AGBL4: variants seen among roughly 807,000 people sequenced by gnomAD.
The protein encoded by AGBL4 is cytosolic carboxypeptidase 6.
In AGBL4, 58 loss-of-function variants were observed where a neutral mutation model predicts 66.4. The observed-to-expected ratio is 0.87, with a 90% confidence interval of 0.71 to 1.09. The LOEUF (loss-of-function observed/expected upper bound fraction) is 1.09. Among genes scored for constraint, AGBL4 ranks in the 50% least tolerant of loss-of-function variants. The pLI, the probability that AGBL4 is intolerant of heterozygous loss-of-function variation, is 0.00. For missense variants in AGBL4, 579 were observed against 631.0 expected (o/e 0.92, Z 0.88); for synonymous variants, 234 against 222.9 (o/e 1.05, Z -0.44).
chr1:49,222,452 C>A (rs141296174), intron 4 of AGBL4, among the ~76,000 whole-genome samples: 1 of 152,110 alleles, frequency 6.6e-6, no homozygotes, highest in Non-Finnish European at 1.5e-5. Context: ...TGGATATGCA[C>A]GTTCTGCATA....
the AGBL4 span, among the ~76,000 whole-genome samples, chr1:48,526,759 A>G: frequency 6.6e-6 from 1 of 151,778 alleles, no homozygotes; most frequent in African/African-American, 2.4e-5. Flanking sequence ...TAGCAACAGC[A>G]GAAGTAGTAG....
intron 1 of AGBL4, among the ~76,000 whole-genome samples, chr1:50,021,317 C>T (rs1030233607): frequency 6.6e-6 from 1 of 152,160 alleles, no homozygotes; most frequent in African/African-American, 2.4e-5. Flanking sequence ...TCATCCACAC[C>T]CATGGCTTGA....
chr1:49,874,631 C>A (rs1277359334), intron 1 of AGBL4, among the ~76,000 whole-genome samples: 2 of 152,066 alleles, frequency 1.3e-5, no homozygotes. Context: ...TCCCTAGATG[C>A]AAATGCTCTT....
At chr1:48,728,609 C>A (rs930945674) in intron 6 of AGBL4, among the ~76,000 whole-genome samples, 5 of 151,472 alleles carry the variant, frequency 3.3e-5, no homozygotes, top group African/African-American at 1.2e-4. Flanking sequence ...TTTGTTTTAT[C>A]CATTTTATTG....
chr1:48,697,404 C>A (rs1039329202), intron 6 of AGBL4, among the ~76,000 whole-genome samples: 2 of 152,188 alleles, frequency 1.3e-5, no homozygotes, highest in Non-Finnish European at 2.9e-5. Flanking sequence ...GCTCTACTCT[C>A]TAGGTCTCAC....
At chr1:49,587,808 C>T (rs531843710) in intron 3 of AGBL4, among the ~76,000 whole-genome samples, 3 of 152,026 alleles carry the variant, frequency 2.0e-5, no homozygotes, top group Non-Finnish European at 4.4e-5. Flanking sequence ...TGCTTCTGGC[C>T]TCCAGACTCA....
intron 3 of AGBL4, among the ~76,000 whole-genome samples, chr1:49,259,366 T>A (rs1259111623): frequency 6.6e-6 from 1 of 152,130 alleles, no homozygotes. Context: ...ACTGGCAAAT[T>A]GGATAAAGAG....
At chr1:49,342,490 T>C (rs761330758) in intron 3 of AGBL4, among the ~76,000 whole-genome samples, 3 of 152,290 alleles carry the variant, frequency 2.0e-5, no homozygotes, top group Non-Finnish European at 2.9e-5. Flanking sequence ...GGAGCTTCAC[T>C]TTGTGACCAT....
chr1:48,828,581 A>T (rs568595142), intron 6 of AGBL4, among the ~76,000 whole-genome samples: 3 of 152,210 alleles, frequency 2.0e-5, no homozygotes, highest in Non-Finnish European at 4.4e-5. Context: ...TTTCTTGGTT[A>T]TGTACTGACT....
At chr1:48,747,180 C>T (rs1422091272) in intron 6 of AGBL4, among the ~76,000 whole-genome samples, 2 of 152,182 alleles carry the variant, frequency 1.3e-5, no homozygotes, top group Admixed American at 6.5e-5. Flanking sequence ...CAGCATTGTA[C>T]AATCTGGCGC....
At chr1:49,652,271 C>T (rs1381787323) in intron 3 of AGBL4, among the ~76,000 whole-genome samples, 2 of 152,136 alleles carry the variant, frequency 1.3e-5, no homozygotes, top group Admixed American at 6.5e-5. Context: ...ACTTGGCAAA[C>T]ATATTTGAGG....
intron 3 of AGBL4, among the ~76,000 whole-genome samples, chr1:49,299,931 G>C (rs1351794931): frequency 6.6e-6 from 1 of 151,716 alleles, no homozygotes; most frequent in Non-Finnish European, 1.5e-5. Flanking sequence ...TTAATGTTGA[G>C]CCAGTTTTGC....
chr1:49,457,096 G>A (rs555020952), intron 3 of AGBL4, among the ~76,000 whole-genome samples: 47 of 151,846 alleles, frequency 3.1e-4, no homozygotes, highest in African/African-American at 1.1e-3. Flanking sequence ...ACCTAGTAGT[G>A]GGATTGCTGG....
intron 3 of AGBL4, among the ~76,000 whole-genome samples, chr1:49,443,374 G>A (rs916411348): frequency 6.6e-6 from 1 of 151,964 alleles, no homozygotes; most frequent in Admixed American, 6.6e-5. Context: ...TTCTCTAGAT[G>A]TTCTTCAATA....
chr1:49,209,784 T>G (rs1648526750), intron 4 of AGBL4, among the ~76,000 whole-genome samples: 1 of 152,080 alleles, frequency 6.6e-6, no homozygotes, highest in Non-Finnish European at 1.5e-5. Flanking sequence ...AGGATCAACA[T>G]AATCTGATTC....
chr1:49,127,340 C>T (rs1645786128), intron 4 of AGBL4, among the ~76,000 whole-genome samples: 1 of 152,090 alleles, frequency 6.6e-6, no homozygotes, highest in African/African-American at 2.4e-5. Context: ...TTAGTGTATA[C>T]TGCTCGGTTG....
chr1:49,478,485 C>A (rs1646889621), intron 3 of AGBL4, among the ~76,000 whole-genome samples: 1 of 151,984 alleles, frequency 6.6e-6, no homozygotes, highest in Non-Finnish European at 1.5e-5. Context: ...AGAATACTAT[C>A]TGGTGAAAAT....
chr1:49,462,628 T>A (rs1250583866), intron 3 of AGBL4, among the ~76,000 whole-genome samples: 1 of 151,810 alleles, frequency 6.6e-6, no homozygotes, highest in Non-Finnish European at 1.5e-5. Flanking sequence ...GACTATTTCA[T>A]GTCACTTTGG....
intron 3 of AGBL4, among the ~76,000 whole-genome samples, chr1:49,518,155 T>C (rs762022712): frequency 6.6e-5 from 10 of 152,174 alleles, no homozygotes; most frequent in Middle Eastern, 3.4e-3. Context: ...AGTGCTGTGA[T>C]ATAAGGATGT....
Sources: allele counts gnomAD v4.1 joint callset (sites outside exome capture counted in the v4.1 genomes callset), GRCh38; gene constraint gnomAD v4.1.1; transcripts MANE v1.5; gene names NCBI Gene and HGNC (gene_info 2026-07-23, HGNC 2026-07-21).